The following DHX57 variants were observed in gnomAD, a reference collection of about 807,000 sequenced individuals.
The protein encoded by DHX57 is putative ATP-dependent RNA helicase DHX57.
In DHX57, 105 loss-of-function variants were observed where a neutral mutation model predicts 156.2. The observed-to-expected ratio is 0.67, with a 90% CI of 0.57 to 0.79. The LOEUF (loss-of-function observed/expected upper bound fraction) is 0.79. DHX57 is among the 30% of genes least tolerant of loss of function. DHX57 has a pLI of 0.00. For missense variants in DHX57, 1,847 were observed against 1,661.9 expected (o/e 1.11, Z -1.94); for synonymous variants, 704 against 595.6 (o/e 1.18, Z -2.65).
intron 2 of DHX57, among the ~76,000 whole-genome samples, chr2:38,864,271 G>A (rs1399043973): frequency 6.7e-6 from 1 of 150,000 alleles, no homozygotes; most frequent in Admixed American, 6.6e-5. Flanking sequence ...AAGGCCAGGG[G>A]CATTGGCTCA....
intron 23 of DHX57, among the ~76,000 whole-genome samples, chr2:38,801,656 G>A (rs901680748): frequency 1.3e-5 from 2 of 151,718 alleles, no homozygotes; most frequent in Non-Finnish European, 1.5e-5. Flanking sequence ...GTGCAATGGC[G>A]CAATCTCGGC....
intron 9 of DHX57, among the ~76,000 whole-genome samples, chr2:38,850,191 C>T (rs1672507576): frequency 6.6e-6 from 1 of 152,180 alleles, no homozygotes; most frequent in Non-Finnish European, 1.5e-5. Flanking sequence ...TATATCCATG[C>T]ATAGAAAGAT....
chr2:38,819,087 C>A lies in DHX57; in HGVS notation c.3349G>T (p.Ala1117Ser), dbSNP rs370522012. The A allele has an allele frequency of 1.5e-5, 25 of 1,614,036 alleles. No individual in the cohort carries two copies. Among genetic ancestry groups the A allele is most frequent in the Non-Finnish European group, 1.9e-5 (23 of 1,180,048 alleles). ...ANQKKLEFAF[A>S]NSDYLALLQA... The stretch of plus-strand genomic sequence containing the variant: ...AGAAGGGCCAGATAATCACTGTTTG[C>A]GAATGCAAATTCCAGCTTTTTCTGG... The change falls in exon 18 of 24, where the codon GCA becomes TCA. Residue 1117 changes from alanine to serine, a missense_variant. Physicochemically the swap from Ala to Ser is moderately conservative, Grantham distance 99. Transcript: ENST00000457308.
rs576080667 is a variant in DHX57, at chr2:38,819,393, C to T, written c.3292-249G>A. Among the ~76,000 whole-genome samples, 9 of 152,264 alleles carry T rather than the reference C, an allele frequency of 5.9e-5. No homozygotes were observed. The South Asian group carries it at 1.7e-3, about 28-fold the overall frequency. ...GTCTCACCATGTTGTGCAGGCTGGT[C>T]TTGAACTCCTGGGCTCAGGCAATTG... is the stretch of plus-strand genomic sequence containing the variant. On this transcript the variant is annotated intron_variant, in intron 17 of 23. Coordinates refer to ENST00000457308, the MANE Select transcript of DHX57 (RefSeq NM_198963.3).
intron 5 of DHX57, among the ~76,000 whole-genome samples, chr2:38,860,681 C>A (rs1161396435): frequency 6.6e-6 from 1 of 152,050 alleles, no homozygotes; most frequent in African/African-American, 2.4e-5. Flanking sequence ...CAAAAGAAAA[C>A]CAAATGAATT....
chr2:38,810,709 G>T (rs1333863668), intron 21 of DHX57: 2 of 761,556 alleles, frequency 2.6e-6, no homozygotes, highest in African/African-American at 1.7e-5. Flanking sequence ...CCAGAAACCG[G>T]TGTACACCAA....
At chr2:38,857,080 T>C (rs1318049725) in intron 6 of DHX57, 4 of 154,056 alleles carry the variant, frequency 2.6e-5, no homozygotes, top group Non-Finnish European at 5.9e-5. Flanking sequence ...TCCGTGTTGA[T>C]GGAAATGTTC....
chr2:38,849,323 C>T (rs562896282), intron 9 of DHX57, among the ~76,000 whole-genome samples: 7 of 152,300 alleles, frequency 4.6e-5, no homozygotes, highest in South Asian at 4.1e-4. Context: ...ATAGTATGCA[C>T]GGCAGAATAA....
At chr2:38,843,785 A>G (rs984173976) in intron 11 of DHX57, among the ~76,000 whole-genome samples, 9 of 152,202 alleles carry the variant, frequency 5.9e-5, no homozygotes, top group Non-Finnish European at 2.9e-5. Context: ...CACTAAACCA[A>G]TCTGCCATGA....
At chr2:38,815,022 C>T (rs534815872) in intron 20 of DHX57, among the ~76,000 whole-genome samples, 1 of 149,232 alleles carries the variant, frequency 6.7e-6, no homozygotes, top group Admixed American at 6.7e-5. Flanking sequence ...GTGCCCAGCC[C>T]CCTCTATTCT....
At chr2:38,826,262 C>T (rs1466147574) in intron 15 of DHX57, among the ~76,000 whole-genome samples, 2 of 152,182 alleles carry the variant, frequency 1.3e-5, no homozygotes, top group African/African-American at 2.4e-5. Flanking sequence ...CTTTATTCAA[C>T]CCCTTTTCAT....
chr2:38,812,738 G>T (rs1670316111), intron 21 of DHX57, among the ~76,000 whole-genome samples: 1 of 150,738 alleles, frequency 6.6e-6, no homozygotes, highest in Admixed American at 6.7e-5. Context: ...TCTCCATATT[G>T]GTCAGGCTGG....
chr2:38,836,150 A>G (rs1671644608), intron 13 of DHX57, among the ~76,000 whole-genome samples: 1 of 152,248 alleles, frequency 6.6e-6, no homozygotes, highest in Non-Finnish European at 1.5e-5. Context: ...ACTGAAACCA[A>G]AGCAAACAGG....
chr2:38,827,505 A>AAAAAAATAT (rs1553326974), intron 14 of DHX57, among the ~76,000 whole-genome samples: 1 of 10,140 alleles, frequency 9.9e-5, no homozygotes, highest in African/African-American at 1.4e-4. Context: ...AAAAAAAAAA[A>AAAAAAATAT]ATATATATAT....
At chr2:38,861,895 A>G in intron 4 of DHX57, 58 bp from the exon 5 acceptor site, 1 of 1,483,412 alleles carries the variant, frequency 6.7e-7, no homozygotes, top group Non-Finnish European at 9.0e-7. Flanking sequence ...ACACCATTAC[A>G]GTAAAATTCA....
At chr2:38,811,318 C>A in intron 21 of DHX57, 1 of 526,446 alleles carries the variant, frequency 1.9e-6, no homozygotes, top group Non-Finnish European at 3.8e-6. Context: ...TCCCCTTTCC[C>A]ATGGCACTGT....
chr2:38,815,687 G>A, intron 19 of DHX57, 32 bp from the exon 20 acceptor site: 2 of 1,613,480 alleles, frequency 1.2e-6, no homozygotes, highest in African/African-American at 1.3e-5. Flanking sequence ...TTAAGCAAGG[G>A]CATCAGCATA....
chr2:38,829,945 A>G (rs1572653193), intron 13 of DHX57, among the ~76,000 whole-genome samples: 1 of 152,362 alleles, frequency 6.6e-6, no homozygotes, highest in East Asian at 1.9e-4. Context: ...CATTAAATAA[A>G]ATAAGCATGA....
intron 2 of DHX57, among the ~76,000 whole-genome samples, chr2:38,864,939 T>G (rs1289858227): frequency 6.6e-6 from 1 of 152,292 alleles, no homozygotes; most frequent in African/African-American, 2.4e-5. Context: ...CACATTTTCC[T>G]TGACCTACCA....
Sources: gnomAD v4.1 joint callset for allele counts (sites outside exome capture counted in the v4.1 genomes callset) on GRCh38, gnomAD v4.1.1 for gene constraint, MANE v1.5 for transcripts, NCBI Gene and HGNC (gene_info 2026-07-23, HGNC 2026-07-21) for gene names.